The following GLIS3 variants were observed in gnomAD, a reference collection of about 807,000 sequenced individuals.
GLIS3 encodes zinc finger protein GLIS3.
Under a neutral mutation model 78.6 loss-of-function variants are expected in GLIS3, and 53 were observed. That is an observed-to-expected ratio of 0.67 (90% CI 0.54 to 0.85). GLIS3 has a LOEUF of 0.85. GLIS3 is among the 40% of genes least tolerant of loss of function. The pLI is 0.00. For synonymous variants in GLIS3, 684 were observed against 509.9 expected (o/e 1.34, Z -4.60); for missense variants, 1,703 against 1,231.1 (o/e 1.38, Z -5.74).
chr9:4,186,548 G>C (rs1164289518), intron 2 of GLIS3, among the ~76,000 whole-genome samples: 3 of 151,490 alleles, frequency 2.0e-5, no homozygotes, highest in Admixed American at 6.6e-5. Flanking sequence ...GGTATTCCTA[G>C]TTCTAGATCC....
intron 4 of GLIS3, among the ~76,000 whole-genome samples, chr9:4,001,873 C>G (rs1042452865): frequency 1.3e-5 from 2 of 152,154 alleles, no homozygotes; most frequent in South Asian, 4.2e-4. Flanking sequence ...TTTGGTGGGA[C>G]AAATGTATTA....
the GLIS3 span, among the ~76,000 whole-genome samples, chr9:4,450,225 A>G: frequency 5.3e-4 from 80 of 152,374 alleles, 1 homozygote; most frequent in Non-Finnish European, 7.5e-4. Flanking sequence ...AGCCGATTCA[A>G]TCAAGTGAAA....
the GLIS3 span, among the ~76,000 whole-genome samples, chr9:4,406,917 C>A: frequency 6.6e-6 from 1 of 152,166 alleles, no homozygotes; most frequent in African/African-American, 2.4e-5. Flanking sequence ...ATAACAATTA[C>A]ATTCTTCACA....
chr9:3,911,116 C>G (rs1387149108), intron 6 of GLIS3, among the ~76,000 whole-genome samples: 3 of 152,028 alleles, frequency 2.0e-5, no homozygotes, highest in Admixed American at 6.6e-5. Flanking sequence ...TTCCTTCCTT[C>G]CTTCCTTTCC....
chr9:4,479,238 C>T, the GLIS3 span, among the ~76,000 whole-genome samples: 1 of 152,064 alleles, frequency 6.6e-6, no homozygotes, highest in Admixed American at 6.6e-5. Context: ...AACCTAGTCC[C>T]TTTAACAAAT....
At chr9:4,466,857 G>T in the GLIS3 span, among the ~76,000 whole-genome samples, 1 of 152,218 alleles carries the variant, frequency 6.6e-6, no homozygotes, top group African/African-American at 2.4e-5. Flanking sequence ...GAAGTGCAAG[G>T]GGGTCGGGGT....
At chr9:3,938,320 G>C (rs1826007255) in intron 4 of GLIS3, among the ~76,000 whole-genome samples, 1 of 152,170 alleles carries the variant, frequency 6.6e-6, no homozygotes, top group South Asian at 2.1e-4. Flanking sequence ...AGGGGGGTGA[G>C]GGTGGGTAAG....
At chr9:4,065,569 A>G (rs766441238) in intron 4 of GLIS3, among the ~76,000 whole-genome samples, 2 of 152,232 alleles carry the variant, frequency 1.3e-5, no homozygotes, top group African/African-American at 4.8e-5. Flanking sequence ...TCTACCAATT[A>G]GCAAACAGGC....
chr9:3,977,631 G>A lies in GLIS3; in HGVS notation c.1711-40442C>T, dbSNP rs539223000. Among the ~76,000 whole-genome samples the A allele has an allele frequency of 6.6e-6, 1 of 152,178 alleles. No individual in the cohort carries two copies. The highest frequency in any genetic ancestry group is 2.4e-5 in the African/African-American group (1 of 41,522). On this transcript the variant is annotated intron_variant, in intron 4 of 10. Transcript: ENST00000381971. The surrounding 1 kb of genome is among the most constrained non-coding windows in gnomAD (Gnocchi z 4.1). ...TCTGTCACTCCGATTTTAATTAGAC[G>A]GCTTAAAGCAGCCACATCAATAATG...
chr9:4,429,041 C>G, the GLIS3 span, among the ~76,000 whole-genome samples: 1 of 152,188 alleles, frequency 6.6e-6, no homozygotes, highest in Admixed American at 6.5e-5. Flanking sequence ...CTGGTCTACC[C>G]TGCATCCACT....
At chr9:4,082,483 G>C (rs1322340099) in intron 4 of GLIS3, among the ~76,000 whole-genome samples, 1 of 152,180 alleles carries the variant, frequency 6.6e-6, no homozygotes, top group Non-Finnish European at 1.5e-5. Context: ...TTTTGCTCAG[G>C]TCTTGAGGGA....
chr9:3,999,462 G>A (rs1030169095), intron 4 of GLIS3, among the ~76,000 whole-genome samples: 1 of 152,062 alleles, frequency 6.6e-6, no homozygotes, highest in Non-Finnish European at 1.5e-5. Context: ...CACCAGCAAT[G>A]AAGAGTTTAA....
the GLIS3 span, among the ~76,000 whole-genome samples, chr9:4,449,573 C>T: frequency 1.3e-5 from 2 of 152,252 alleles, no homozygotes; most frequent in African/African-American, 4.8e-5. Context: ...CCAGTAGGGG[C>T]CAATTGATAC....
intron 2 of GLIS3, among the ~76,000 whole-genome samples, chr9:4,333,403 G>A (rs1026840232): frequency 2.4e-4 from 36 of 152,010 alleles, no homozygotes; most frequent in African/African-American, 8.5e-4. Context: ...AAGAAAGAAA[G>A]AAACTAAGTC....
intron 2 of GLIS3, among the ~76,000 whole-genome samples, chr9:4,314,383 C>G (rs1817408634): frequency 6.6e-6 from 1 of 152,186 alleles, no homozygotes; most frequent in Non-Finnish European, 1.5e-5. Flanking sequence ...AGTGTCCTTA[C>G]TCTTTGTTCA....
chr9:4,488,295 C>G, the GLIS3 span, among the ~76,000 whole-genome samples: 1 of 152,064 alleles, frequency 6.6e-6, no homozygotes, highest in African/African-American at 2.4e-5. Flanking sequence ...ATTGTACATG[C>G]AATTTTAGTA....
chr9:4,172,738 A>G (rs1428620020), intron 2 of GLIS3, among the ~76,000 whole-genome samples: 3 of 152,192 alleles, frequency 2.0e-5, no homozygotes, highest in African/African-American at 4.8e-5. Flanking sequence ...AAAAATCATT[A>G]AATCATTAGG....
the GLIS3 span, among the ~76,000 whole-genome samples, chr9:4,371,010 A>G: frequency 4.6e-5 from 7 of 152,246 alleles, no homozygotes; most frequent in Non-Finnish European, 1.0e-4. Flanking sequence ...CTCAAATGTT[A>G]ACAGTGACCT....
At chr9:4,106,596 T>C (rs1830770498) in intron 4 of GLIS3, among the ~76,000 whole-genome samples, 1 of 152,222 alleles carries the variant, frequency 6.6e-6, no homozygotes, top group South Asian at 2.1e-4. Context: ...TTGTCATTTT[T>C]TCCTTGAGTG....
Sources: gnomAD v4.1 joint callset for allele counts (sites outside exome capture counted in the v4.1 genomes callset) on GRCh38, gnomAD v4.1.1 for gene constraint, Gnocchi (gnomAD v3.1) non-coding constraint, MANE v1.5 for transcripts, NCBI Gene and HGNC (gene_info 2026-07-23, HGNC 2026-07-21) for gene names.